Variants in SOX5 observed in about 807,000 individuals in gnomAD.
The protein encoded by SOX5 is SRY-box transcription factor 5, also known as transcription factor SOX-5.
In SOX5, 9 loss-of-function variants were observed where a neutral mutation model predicts 92.0. The observed-to-expected ratio is 0.10, with a 90% CI of 0.06 to 0.17. The LOEUF (loss-of-function observed/expected upper bound fraction) is 0.17, where lower values mean the gene tolerates loss of function less well. SOX5 is among the 10% of genes least tolerant of loss of function. SOX5 has a pLI of 1.00. For synonymous variants in SOX5, 344 were observed against 336.3 expected (o/e 1.02, Z -0.25); for missense variants, 642 against 944.5 (o/e 0.68, Z 4.20).
chr12:24,210,174 T>C (rs956971794), intron 4 of SOX5, among the ~76,000 whole-genome samples: 2 of 152,198 alleles, frequency 1.3e-5, no homozygotes, highest in African/African-American at 4.8e-5. Context: ...TTTTGTATTA[T>C]AAATGGTTAC....
chr12:24,198,357 C>A (rs921790008), intron 4 of SOX5, among the ~76,000 whole-genome samples: 57 of 152,318 alleles, frequency 3.7e-4, no homozygotes, highest in African/African-American at 1.3e-3. Context: ...AAGTGATACA[C>A]ACTTCAAAGT....
intron 2 of SOX5, among the ~76,000 whole-genome samples, chr12:23,846,973 T>C (rs967920981): frequency 3.3e-5 from 5 of 152,178 alleles, no homozygotes; most frequent in Non-Finnish European, 7.4e-5. Context: ...ATTTATTGTA[T>C]GGTTCTAAAA....
chr12:23,584,151 A>G (rs1950401442), intron 9 of SOX5, among the ~76,000 whole-genome samples: 1 of 152,148 alleles, frequency 6.6e-6, no homozygotes, highest in Non-Finnish European at 1.5e-5. Context: ...TCATCATCAA[A>G]GCAAATCAGT....
At chr12:24,497,941 T>C (rs1947812806) in intron 1 of SOX5, among the ~76,000 whole-genome samples, 1 of 152,076 alleles carries the variant, frequency 6.6e-6, no homozygotes, top group Non-Finnish European at 1.5e-5. Context: ...AGCAAACTAA[T>C]GCAGCAACAG....
At chr12:23,842,820 A>C (rs1156793748) in intron 3 of SOX5, among the ~76,000 whole-genome samples, 4 of 152,160 alleles carry the variant, frequency 2.6e-5, no homozygotes, top group African/African-American at 9.7e-5. Context: ...GAAAAATGCA[A>C]ATATTATGTA....
chr12:24,360,610 G>T (rs1197657298), intron 2 of SOX5, among the ~76,000 whole-genome samples: 1 of 152,162 alleles, frequency 6.6e-6, no homozygotes, highest in Admixed American at 6.5e-5. Context: ...CAGCCTCGAG[G>T]TTTTTTGTCT....
intron 2 of SOX5, among the ~76,000 whole-genome samples, chr12:24,296,237 T>G (rs1485309535): frequency 5.3e-5 from 8 of 152,216 alleles, no homozygotes; most frequent in Non-Finnish European, 1.0e-4. Flanking sequence ...TCATCAAAAT[T>G]CATCTGCCTC....
chr12:23,922,383 C>T (rs1400027690), intron 1 of SOX5, among the ~76,000 whole-genome samples: 26 of 152,112 alleles, frequency 1.7e-4, no homozygotes, highest in Admixed American at 1.7e-3. Flanking sequence ...AAATTCAACC[C>T]CTACACAGTG....
intron 7 of SOX5, among the ~76,000 whole-genome samples, chr12:23,664,203 T>C (rs2083458199): frequency 6.6e-6 from 1 of 152,118 alleles, no homozygotes; most frequent in Admixed American, 6.6e-5. Context: ...AATGTGAGAA[T>C]TTAAAACATC....
chr12:23,744,578 G>T (rs932339298), intron 4 of SOX5, among the ~76,000 whole-genome samples: 3 of 151,878 alleles, frequency 2.0e-5, no homozygotes, highest in Non-Finnish European at 4.4e-5. Flanking sequence ...AAATAGGTTT[G>T]TTTTTCCTTT....
At chr12:23,590,868 C>G (rs942309122) in intron 9 of SOX5, among the ~76,000 whole-genome samples, 1 of 151,920 alleles carries the variant, frequency 6.6e-6, no homozygotes, top group Admixed American at 6.6e-5. Context: ...TGTAATGTCT[C>G]TTGCTTGGAA....
chr12:23,879,222 T>C (rs2096960759), intron 2 of SOX5, among the ~76,000 whole-genome samples: 1 of 152,160 alleles, frequency 6.6e-6, no homozygotes, highest in African/African-American at 2.4e-5. Flanking sequence ...GTCCTGAACT[T>C]AACTGAAAGA....
At chr12:23,805,386 G>C (rs1420735266) in intron 3 of SOX5, among the ~76,000 whole-genome samples, 1 of 151,712 alleles carries the variant, frequency 6.6e-6, no homozygotes, top group Non-Finnish European at 1.5e-5. Flanking sequence ...GTAGTTGCAA[G>C]GATTAAAAGT....
chr12:23,843,999 C>T (rs1225931537), intron 3 of SOX5, among the ~76,000 whole-genome samples: 2 of 152,108 alleles, frequency 1.3e-5, no homozygotes, highest in African/African-American at 4.8e-5. Context: ...GTCCTTAAGC[C>T]CTTTGCAACT....
At chr12:23,676,450 G>A (rs948743118) in intron 6 of SOX5, among the ~76,000 whole-genome samples, 3 of 152,006 alleles carry the variant, frequency 2.0e-5, no homozygotes, top group East Asian at 1.9e-4. Flanking sequence ...CTTAAGTGTC[G>A]CTGTCTTTAT....
chr12:24,008,448 A>G (rs939866976), intron 4 of SOX5, among the ~76,000 whole-genome samples: 1 of 152,098 alleles, frequency 6.6e-6, no homozygotes, highest in African/African-American at 2.4e-5. Context: ...CAGTCAGTGG[A>G]ATTCAATTAC....
At chr12:24,212,522 A>G (rs548109893) in intron 4 of SOX5, 1 of 528,436 alleles carries the variant, frequency 1.9e-6, no homozygotes, top group South Asian at 1.4e-5. Context: ...AGGAAGGATT[A>G]CAAGGAAGGA....
intron 4 of SOX5, among the ~76,000 whole-genome samples, chr12:24,066,449 T>C (rs1940761222): frequency 1.3e-5 from 2 of 151,972 alleles, no homozygotes; most frequent in African/African-American, 4.8e-5. Flanking sequence ...GCTCAATAAG[T>C]GTTGAAATAA....
intron 4 of SOX5, among the ~76,000 whole-genome samples, chr12:24,098,355 T>C (rs1945679955): frequency 6.6e-6 from 1 of 152,188 alleles, no homozygotes. Flanking sequence ...ATCATAATTT[T>C]GCAGAGGCAA....
Sources: allele counts gnomAD v4.1 joint callset (sites outside exome capture counted in the v4.1 genomes callset), GRCh38; gene constraint gnomAD v4.1.1; transcripts MANE v1.5; gene names NCBI Gene and HGNC (gene_info 2026-07-23, HGNC 2026-07-21).